ADGRL3: variants seen among roughly 807,000 people sequenced by gnomAD.
The protein encoded by ADGRL3 is calcium-independent alpha-latrotoxin receptor 3.
In ADGRL3, 62 loss-of-function variants were observed where a neutral mutation model predicts 153.5. The ratio of observed to expected loss-of-function variants is 0.40; its 90% CI spans 0.33 to 0.50. The LOEUF (loss-of-function observed/expected upper bound fraction) is 0.50, where lower values mean the gene tolerates loss of function less well. Among genes scored for constraint, ADGRL3 ranks in the 20% least tolerant of loss-of-function variants. The probability of loss-of-function intolerance (pLI) is 0.47; values close to 1 mark genes in which losing one functional copy is unlikely to be tolerated. For missense variants in ADGRL3, 1,641 were observed against 1,859.4 expected, an observed-to-expected ratio of 0.88 and a Z score of 2.16; for synonymous variants, 710 against 672.5, an observed-to-expected ratio of 1.06 and a Z score of -0.86.
chr4:61,987,968 A>G (rs1411585811), intron 19 of ADGRL3, among the ~76,000 whole-genome samples: 1 of 152,134 alleles, frequency 6.6e-6, no homozygotes, highest in African/African-American at 2.4e-5. Context: ...TTAGAGAATT[A>G]TATTAATGGT....
At chr4:61,768,682 T>G (rs1385166577) in intron 8 of ADGRL3, among the ~76,000 whole-genome samples, 1 of 151,592 alleles carries the variant, frequency 6.6e-6, no homozygotes, top group Non-Finnish European at 1.5e-5. Flanking sequence ...AGGTGAGAAT[T>G]GAAGAGGTTT....
At chr4:61,460,637 A>G (rs1448274996) in intron 2 of ADGRL3, among the ~76,000 whole-genome samples, 2 of 152,140 alleles carry the variant, frequency 1.3e-5, no homozygotes, top group African/African-American at 2.4e-5. Flanking sequence ...ATATAAAGAA[A>G]AAGGGGTTTA....
At chr4:61,520,812 A>AT (rs774400242) in intron 4 of ADGRL3, among the ~76,000 whole-genome samples, 24 of 150,778 alleles carry the variant, frequency 1.6e-4, no homozygotes, top group Admixed American at 2.7e-4. Context: ...ACACCCAGGG[A>AT]TTTTTTTTTC....
chr4:61,761,680 G>A (rs1473803097), intron 8 of ADGRL3, among the ~76,000 whole-genome samples: 2 of 152,172 alleles, frequency 1.3e-5, no homozygotes, highest in African/African-American at 2.4e-5. Flanking sequence ...TTGTAGTCCT[G>A]CCACATTGAA....
chr4:61,680,240 G>C (rs972104431), intron 6 of ADGRL3, among the ~76,000 whole-genome samples: 1 of 151,888 alleles, frequency 6.6e-6, no homozygotes, highest in East Asian at 1.9e-4. Context: ...ACAACTGAAC[G>C]AACAGTGTTA....
chr4:61,463,318 G>A (rs149880359), intron 2 of ADGRL3, among the ~76,000 whole-genome samples: 1,643 of 152,294 alleles, frequency 0.011, 27 homozygotes, highest in African/African-American at 0.037. Context: ...GGCTGTACAG[G>A]AAGCATGGCT....
chr4:61,574,761 A>T (rs756404921), intron 4 of ADGRL3, among the ~76,000 whole-genome samples: 6 of 151,840 alleles, frequency 4.0e-5, no homozygotes, highest in Admixed American at 6.6e-5. Flanking sequence ...CATTGAAAGG[A>T]TTCTTTCATG....
At position 61,627,631 on chromosome 4, in the gene ADGRL3, A is replaced by G. The variant is rs578177901; in HGVS notation, c.473+40191A>G. ...GTGAGACTCAATCTAAAAAACAAAC[A>G]AACAAATAAAGAAACACAAACAAAC... On this transcript the variant is annotated intron_variant, in intron 5 of 26. Coordinates refer to ENST00000683033, the MANE Select transcript of ADGRL3 (RefSeq NM_001387552.1). 1.4e-4 allele frequency among the ~76,000 whole-genome samples: 21 copies of G among 152,168 alleles called. No homozygotes were observed. In the South Asian group the frequency reaches 1.7e-3, roughly 12 times the overall value.
At chr4:61,281,352 C>A (rs1359060714) in intron 1 of ADGRL3, among the ~76,000 whole-genome samples, 11 of 152,082 alleles carry the variant, frequency 7.2e-5, no homozygotes, top group Non-Finnish European at 1.5e-4. Flanking sequence ...TGCTATCTCA[C>A]AATATTTCTC....
chr4:61,547,246 A>C (rs1014672545), intron 4 of ADGRL3, among the ~76,000 whole-genome samples: 2 of 151,626 alleles, frequency 1.3e-5, no homozygotes, highest in African/African-American at 4.8e-5. Flanking sequence ...CAGCCACAAT[A>C]ATTTTCTGGG....
intron 4 of ADGRL3, among the ~76,000 whole-genome samples, chr4:61,546,598 A>G (rs1331370498): frequency 6.6e-6 from 1 of 152,084 alleles, no homozygotes; most frequent in Non-Finnish European, 1.5e-5. Flanking sequence ...TACTTTCCCA[A>G]CTTCATGTTC....
At chr4:61,948,474 A>G (rs1413432879) in intron 17 of ADGRL3, among the ~76,000 whole-genome samples, 198 bp downstream of exon 17, 1 of 152,148 alleles carries the variant, frequency 6.6e-6, no homozygotes, top group Non-Finnish European at 1.5e-5. Flanking sequence ...TATTATCAAA[A>G]TAGTTCATAA....
At position 61,465,758 on chromosome 4, in the gene ADGRL3, A is replaced by AATAAATATATATAT. The variant is rs71664991; in HGVS notation, c.-173-31360_-173-31359insAATATATATATATA. Among the ~76,000 whole-genome samples the AATAAATATATATAT allele has an allele frequency of 2.7e-3, 347 of 130,154 alleles. 1 individual carries two copies. The highest frequency in any genetic ancestry group is 8.8e-3 in the African/African-American group (323 of 36,662). 85.4% of individuals were successfully genotyped at this position (130,154 alleles called of 152,430 possible). The stretch of plus-strand genomic sequence containing the variant: ...ACTCTGGATTTTAAAATTATATATA[A>AATAAATATATATAT]ATATATATATATATATATATCTTAT... On this transcript the variant is annotated intron_variant, in intron 2 of 26. Transcript: ENST00000683033.
intron 5 of ADGRL3, among the ~76,000 whole-genome samples, chr4:61,640,519 T>C (rs2093617446): frequency 6.6e-6 from 1 of 152,200 alleles, no homozygotes; most frequent in Non-Finnish European, 1.5e-5. Context: ...TGACACATTA[T>C]CATAAGCCTT....
chr4:61,506,993 C>T (rs2098434973), intron 3 of ADGRL3, among the ~76,000 whole-genome samples: 1 of 152,124 alleles, frequency 6.6e-6, no homozygotes, highest in African/African-American at 2.4e-5. Context: ...TCACTCATTA[C>T]TGATTCTCTC....
rs571335912 is a variant in ADGRL3, at chr4:61,673,646, A to C, written c.474-3180A>C. Among the ~76,000 whole-genome samples, 8 of 151,618 alleles carry C rather than the reference A, an allele frequency of 5.3e-5. No individual in the cohort carries two copies. In the South Asian group the frequency reaches 1.7e-3, roughly 31 times the overall value. ...ACTCACAGTAACTGAAGTCATTTAAAAAAAGAAAGCGAAGTAAAGGACAGA... is the reference window on the plus strand; with the variant it reads ...ACTCACAGTAACTGAAGTCATTTAACAAAAGAAAGCGAAGTAAAGGACAGA... On this transcript the variant is annotated intron_variant, in intron 5 of 26. Transcript: ENST00000683033.
intron 5 of ADGRL3, among the ~76,000 whole-genome samples, chr4:61,642,973 C>G (rs980050066): frequency 1.3e-4 from 20 of 152,184 alleles, no homozygotes; most frequent in African/African-American, 4.8e-4. Flanking sequence ...TTGAGCAGTG[C>G]TTTATAGTTC....
intron 6 of ADGRL3, among the ~76,000 whole-genome samples, chr4:61,710,263 G>C (rs1351623167): frequency 1.3e-5 from 2 of 152,096 alleles, no homozygotes; most frequent in African/African-American, 4.8e-5. Context: ...CTATTGTTCA[G>C]AAACAATAGG....
intron 1 of ADGRL3, among the ~76,000 whole-genome samples, chr4:61,251,888 A>ATT (rs879281483): frequency 2.1e-5 from 2 of 93,606 alleles, no homozygotes; most frequent in Non-Finnish European, 4.5e-5. Flanking sequence ...TAATTTTTTT[A>ATT]TTTTTTTTTT....
Sources: gnomAD v4.1 joint callset for allele counts (sites outside exome capture counted in the v4.1 genomes callset) on GRCh38, gnomAD v4.1.1 for gene constraint, MANE v1.5 for transcripts, NCBI Gene and HGNC (gene_info 2026-07-23, HGNC 2026-07-21) for gene names.